CEBPZ: variants seen among roughly 807,000 people sequenced by gnomAD.
CEBPZ encodes the protein CCAAT enhancer binding protein zeta.
CEBPZ carries 78 observed loss-of-function variants against 104.5 expected under a neutral mutation model. That is an observed-to-expected ratio of 0.75 (90% CI 0.62 to 0.90). The LOEUF (loss-of-function observed/expected upper bound fraction) is 0.90, where lower values mean the gene tolerates loss of function less well. Ranked by LOEUF, CEBPZ falls within the 40% of genes least tolerant of loss-of-function variation. CEBPZ has a pLI of 0.00. For synonymous variants in CEBPZ, 470 were observed against 427.0 expected, an observed-to-expected ratio of 1.10 and a Z score of -1.24; for missense variants, 1,439 against 1,233.5, an observed-to-expected ratio of 1.17 and a Z score of -2.50.
At chr2:37,209,336 A>C (rs1358065280) in intron 13 of CEBPZ, 2 of 152,248 alleles carry the variant, frequency 1.3e-5, no homozygotes, top group African/African-American at 4.8e-5. Context: ...TGCATAGCCA[A>C]GCAAGACTAA....
At position 37,211,005 on chromosome 2, in the gene CEBPZ, A is replaced by G; in HGVS notation, c.2878T>C (p.Phe960Leu). ...GTDDFDFAGS[F>L]QGPRKKKRNL... is the part of the protein sequence containing the mutation. Reference sequence around the variant, plus strand: ...ATTAAATGTATTTTCTTACCTTGAAATGAGCCAGCAAAGTCAAAATCATCT... The same window carrying G: ...ATTAAATGTATTTTCTTACCTTGAAGTGAGCCAGCAAAGTCAAAATCATCT... The change falls in exon 13 of 16, where the codon TTT (phenylalanine) becomes CTT (leucine). Residue 960 changes from phenylalanine to leucine, a missense_variant. Coordinates refer to ENST00000234170, the MANE Select transcript of CEBPZ (RefSeq NM_005760.3). The G allele has an allele frequency of 6.2e-7, 1 of 1,608,426 alleles. No individual in the cohort carries two copies.
chr2:37,212,439 T>C (rs763357280), intron 10 of CEBPZ, 47 bp from the exon 11 acceptor site: 2 of 1,463,158 alleles, frequency 1.4e-6, no homozygotes, highest in Non-Finnish European at 9.6e-7. Flanking sequence ...AATGACAAGC[T>C]TGACATATAT....
At chr2:37,210,786 T>G (rs1194999962) in intron 13 of CEBPZ, 1 of 462,970 alleles carries the variant, frequency 2.2e-6, no homozygotes, top group African/African-American at 2.0e-5. Flanking sequence ...AACAAATTTT[T>G]AAAAAGTGAA....
intron 1 of CEBPZ, among the ~76,000 whole-genome samples, chr2:37,230,151 G>C (rs1665015147): frequency 6.6e-6 from 1 of 152,144 alleles, no homozygotes; most frequent in East Asian, 1.9e-4. Context: ...CAGACAAAAT[G>C]ATTTATGCAG....
chr2:37,211,418 TGAAAGGACA>T (rs1267665387), intron 12 of CEBPZ: 4 of 238,144 alleles, frequency 1.7e-5, no homozygotes, highest in Non-Finnish European at 3.2e-5. Flanking sequence ...TGGAGGTATG[TGAAAGGACA>T]GAAAGGTCAG....
At chr2:37,223,703 T>G (rs1428532828) in intron 2 of CEBPZ, among the ~76,000 whole-genome samples, 1 of 152,196 alleles carries the variant, frequency 6.6e-6, no homozygotes, top group Non-Finnish European at 1.5e-5. Flanking sequence ...CCTAACAGTA[T>G]TTACAGAACC....
rs756637356 is a variant in CEBPZ at position 37,228,947 on chromosome 2, A to G, written c.246T>C (p.Gly82=). Residue 82 remains glycine (G), a synonymous_variant, in exon 2 of 16, where the codon GGT becomes GGC. Coordinates refer to ENST00000234170, the MANE Select transcript of CEBPZ (RefSeq NM_005760.3). ...KKGAIDDLQQ[G]ELEAFIQNLN... ...GATTTTGAATAAATGCTTCCAATTCACCTTGCTGAAGGTCATCGATTGCTC... is the reference window on the plus strand; with the variant it reads ...GATTTTGAATAAATGCTTCCAATTCGCCTTGCTGAAGGTCATCGATTGCTC... The G allele has an allele frequency of 8.1e-6, 13 of 1,610,728 alleles. No homozygotes were observed. The highest frequency in any genetic ancestry group is 3.3e-4 in the Middle Eastern group (2 of 6,074).
intron 10 of CEBPZ, chr2:37,212,694 A>ACTC (rs1572499496): frequency 5.0e-6 from 2 of 400,982 alleles, no homozygotes; most frequent in Admixed American, 4.3e-5. Context: ...CGTCCTTTTT[A>ACTC]CTCTATTAGA....
At chr2:37,217,416 GA>G (rs1664639829) in intron 5 of CEBPZ, among the ~76,000 whole-genome samples, 1 of 151,850 alleles carries the variant, frequency 6.6e-6, no homozygotes. Context: ...CAACAAAAAT[GA>G]AAATGCAAAA....
At chr2:37,202,589 G>A (rs760360143) in intron 15 of CEBPZ, 195 bp downstream of exon 15, 20 of 400,786 alleles carry the variant, frequency 5.0e-5, no homozygotes, top group Non-Finnish European at 8.3e-5. Context: ...AGGTTGCAGT[G>A]AGCCAAGATC....
At chr2:37,216,118 A>G in intron 8 of CEBPZ, 22 bp downstream of exon 8, 1 of 1,553,136 alleles carries the variant, frequency 6.4e-7, no homozygotes, top group Non-Finnish European at 8.8e-7. Context: ...TTCAGTTTCA[A>G]CTGTCTAAGG....
Position 37,201,876 on chromosome 2 carries a change from T to TCAGC in CEBPZ, c.3049_3052dup (p.Glu1018GlyfsTer2). 1 of 1,614,032 alleles carries TCAGC rather than the reference T, an allele frequency of 6.2e-7. No homozygotes were observed. Among genetic ancestry groups the TCAGC allele is most frequent in the Non-Finnish European group, 8.5e-7 (1 of 1,179,946 alleles). The stretch of plus-strand genomic sequence containing the variant: ...TCTGTTGTGTAGCCAGTCATCACGT[T>TCAGC]CAGCCTCCCATCTAAGCTGTTTGAG... On this transcript the variant is annotated stop_gained and frameshift_variant, in exon 16 of 16. Coordinates refer to ENST00000234170, the MANE Select transcript of CEBPZ (RefSeq NM_005760.3). LOFTEE classifies it high-confidence loss of function.
Position 37,222,471 on chromosome 2 carries a change from T to C in CEBPZ, c.1974A>G (p.Lys658=). The part of the protein sequence containing the change: ...TDADKETEIV[K]KLETEETVPE... ...GAACTGTTTCCTCTGTCTCAAGTTT[T>C]TTCACTATCTCTGTTTCTTTGTCTG... Residue 658 remains lysine, a synonymous_variant, in exon 4 of 16, where the codon AAA becomes AAG. Transcript: ENST00000234170. The C allele has an allele frequency of 6.2e-7, 1 of 1,611,796 alleles. No individual in the cohort carries two copies. The highest frequency in any genetic ancestry group is 2.2e-5 in the East Asian group (1 of 44,700).
intron 6 of CEBPZ, 23 bp downstream of exon 6, chr2:37,216,961 C>G: frequency 6.3e-7 from 1 of 1,585,422 alleles, no homozygotes. Context: ...TATTTCTCAT[C>G]TTTGGATTTA....
intron 5 of CEBPZ, among the ~76,000 whole-genome samples, chr2:37,217,940 G>C (rs1664670557): frequency 6.7e-6 from 1 of 148,268 alleles, no homozygotes; most frequent in South Asian, 2.1e-4. Flanking sequence ...AAACCATAAA[G>C]CTACTACATA....
Position 37,223,260 on chromosome 2 carries a change from C to G in CEBPZ, c.1791G>C (p.Gln597His), listed in dbSNP as rs1423593898. 1 of 1,614,170 alleles carries G rather than the reference C, an allele frequency of 6.2e-7. No homozygotes were observed. Among genetic ancestry groups the G allele is most frequent in the South Asian group, 1.1e-5 (1 of 91,080 alleles). ...VKRLLQVTCQ[Q>H]MPPFICGALY... is the part of the protein sequence containing the mutation. Reference sequence around the variant, plus strand: ...AAGCTCCACATATAAATGGTGGCATCTGTTGACAAGTAACTTGAAGTAACC... The same window carrying G: ...AAGCTCCACATATAAATGGTGGCATGTGTTGACAAGTAACTTGAAGTAACC... Residue 597 changes from glutamine (Q) to histidine (H), a missense_variant, in exon 3 of 16, where the codon CAG becomes CAC. By Grantham distance (24) the Gln-to-His change is conservative. Transcript: ENST00000234170.
chr2:37,229,499 T>G (rs1016505257), intron 1 of CEBPZ, among the ~76,000 whole-genome samples: 1 of 152,220 alleles, frequency 6.6e-6, no homozygotes, highest in African/African-American at 2.4e-5. Context: ...CATCCATCTT[T>G]TAATTTATCA....
chr2:37,203,090 A>T, intron 13 of CEBPZ, 82 bp from the exon 14 acceptor site: 1 of 938,770 alleles, frequency 1.1e-6, no homozygotes, highest in South Asian at 1.9e-5. Flanking sequence ...ATTTTATTTT[A>T]AAAATTATAC....
At position 37,216,124 on chromosome 2, in the gene CEBPZ, T is replaced by C. The variant is rs1219641655; in HGVS notation, c.2380+16A>G. 3 of 1,584,970 alleles carry C rather than the reference T, an allele frequency of 1.9e-6. No homozygotes were observed. The Admixed American group carries it at 5.1e-5, about 27-fold the overall frequency. On this transcript the variant is annotated intron_variant, in intron 8 of 15. Coordinates refer to ENST00000234170, the MANE Select transcript of CEBPZ (RefSeq NM_005760.3). The stretch of plus-strand genomic sequence containing the variant: ...TATTGTCTTTTCAGTTTCAACTGTC[T>C]AAGGTTTATACTTACCAGGAAGATG...
Sources: gnomAD v4.1 joint callset for allele counts (sites outside exome capture counted in the v4.1 genomes callset) on GRCh38, gnomAD v4.1.1 for gene constraint, MANE v1.5 for transcripts, NCBI Gene and HGNC (gene_info 2026-07-23, HGNC 2026-07-21) for gene names.